The following SLCO1B3 variants were observed in gnomAD, a reference collection of about 807,000 sequenced individuals.
SLCO1B3 encodes solute carrier organic anion transporter family member 1B3.
A neutral mutation model predicts 71.8 loss-of-function variants in SLCO1B3; 72 were observed. The ratio of observed to expected loss-of-function variants is 1.00; its 90% confidence interval spans 0.83 to 1.22. The LOEUF (loss-of-function observed/expected upper bound fraction) is 1.22. Ranked by LOEUF, SLCO1B3 falls within the 50% of genes most tolerant of loss-of-function variation. The pLI, the probability that SLCO1B3 is intolerant of heterozygous loss-of-function variation, is 0.00. For synonymous variants in SLCO1B3, 298 were observed against 278.4 expected, an observed-to-expected ratio of 1.07 and a Z score of -0.70; for missense variants, 911 against 819.7, an observed-to-expected ratio of 1.11 and a Z score of -1.36.
intron 3 of SLCO1B3, among the ~76,000 whole-genome samples, chr12:20,834,687 T>C (rs890348636): frequency 2.6e-4 from 39 of 152,016 alleles, no homozygotes; most frequent in Non-Finnish European, 5.0e-4. Context: ...CCCTCAGTCT[T>C]GGGCAGCTCC....
At chr12:20,902,611 T>C (rs918471998) in intron 15 of SLCO1B3, among the ~76,000 whole-genome samples, 1 of 152,250 alleles carries the variant, frequency 6.6e-6, no homozygotes, top group African/African-American at 2.4e-5. Flanking sequence ...ACTATGCTTA[T>C]TTAAAAAGAG....
intron 3 of SLCO1B3, among the ~76,000 whole-genome samples, chr12:20,835,548 C>G (rs545106318): frequency 6.6e-6 from 1 of 152,260 alleles, no homozygotes; most frequent in South Asian, 2.1e-4. Context: ...CAAAATTCTG[C>G]CAGTCTCTTT....
At position 20,876,021 on chromosome 12, in the gene SLCO1B3, A is replaced by G. The variant is rs374727322; in HGVS notation, c.970+544A>G. Among the ~76,000 whole-genome samples, 124 of 151,784 alleles carry G rather than the reference A, an allele frequency of 8.2e-4. 2 individuals carry two copies. The South Asian group carries it at 0.025, about 30-fold the overall frequency. On this transcript the variant is annotated intron_variant, in intron 9 of 15. Coordinates refer to ENST00000381545, the MANE Select transcript of SLCO1B3 (RefSeq NM_019844.4). ...ATTCAGGAGAGGAGTCTGTCTAGGTAATTAGAGTAAGATTATTTTTCTTGG... is the reference window on the plus strand; with the variant it reads ...ATTCAGGAGAGGAGTCTGTCTAGGTGATTAGAGTAAGATTATTTTTCTTGG...
At chr12:20,833,766 G>A (rs759863939) in intron 3 of SLCO1B3, among the ~76,000 whole-genome samples, 15 of 146,884 alleles carry the variant, frequency 1.0e-4, no homozygotes, top group Non-Finnish European at 1.8e-4. Context: ...TTACATATAT[G>A]TAGTTTATCA....
At chr12:20,816,437 A>G (rs1864195405) in intron 3 of SLCO1B3, among the ~76,000 whole-genome samples, 1 of 152,158 alleles carries the variant, frequency 6.6e-6, no homozygotes, top group Non-Finnish European at 1.5e-5. Flanking sequence ...GATCCCACAA[A>G]TAACTGAGAA....
intron 8 of SLCO1B3, 62 bp downstream of exon 8, chr12:20,862,916 C>A: frequency 2.3e-6 from 2 of 861,838 alleles, no homozygotes; most frequent in Non-Finnish European, 3.8e-6. Context: ...ACCATTCTTC[C>A]AAAGAATTAA....
At position 20,862,487 on chromosome 12, in the gene SLCO1B3, C is replaced by A. The variant is rs775442032; in HGVS notation, c.557C>A (p.Thr186Asn). ...AATATGCTTCGTGGCATAGGGGAAA[C>A]CCCCATAGTACCATTGGGGATTTCA... is the stretch of plus-strand genomic sequence containing the variant. ...MGNMLRGIGE[T>N]PIVPLGISYI... The change falls in exon 7 of 16, where the codon ACC (threonine) becomes AAC (asparagine). Residue 186 changes from threonine (T) to asparagine (N), a missense_variant. Thr to Asn is a moderately conservative substitution (Grantham distance 65). Transcript: ENST00000381545. The A allele has an allele frequency of 8.1e-6, 13 of 1,611,758 alleles. No homozygotes were observed. In the East Asian group the frequency reaches 2.2e-4, roughly 28 times the overall value.
At chr12:20,904,064 C>A (rs1457925762) in intron 15 of SLCO1B3, among the ~76,000 whole-genome samples, 2 of 151,928 alleles carry the variant, frequency 1.3e-5, no homozygotes, top group African/African-American at 4.8e-5. Context: ...ACGGTGAAAC[C>A]TCATCTTTAC....
At chr12:20,839,611 G>C (rs113637804) in intron 3 of SLCO1B3, among the ~76,000 whole-genome samples, 10 of 152,064 alleles carry the variant, frequency 6.6e-5, no homozygotes, top group African/African-American at 2.4e-4. Flanking sequence ...TTGATTTTGT[G>C]TAGTTTGAAA....
rs1004138182 is a variant in SLCO1B3, at chr12:20,883,415, T to C, written c.1498-3T>C. 3.3e-6 allele frequency: 5 copies of C among 1,502,238 alleles called. No individual in the cohort carries two copies. Among genetic ancestry groups the C allele is most frequent in the African/African-American group, 1.4e-5 (1 of 69,000 alleles). The allele number at this position is 1,502,238 out of a possible 1,614,324, so 93.1% of individuals were successfully genotyped here. On this transcript the variant is annotated splice_polypyrimidine_tract_variant and splice_region_variant and intron_variant, in intron 12 of 15. Transcript: ENST00000381545. The stretch of plus-strand genomic sequence containing the variant: ...TTGTTAATATTTCAAAAACTATTTT[T>C]AGGTGTTTTATAACTGTAGTTGTGT...
intron 3 of SLCO1B3, among the ~76,000 whole-genome samples, chr12:20,827,457 A>AC (rs1174474425): frequency 6.6e-6 from 1 of 152,202 alleles, no homozygotes; most frequent in African/African-American, 2.4e-5. Context: ...TAGTAGTGAA[A>AC]CGTACATGAC....
chr12:20,911,343 A>C (rs1281526412), intron 15 of SLCO1B3, among the ~76,000 whole-genome samples: 1 of 152,150 alleles, frequency 6.6e-6, no homozygotes, highest in Admixed American at 6.5e-5. Context: ...TGTCAAATTC[A>C]ATTAGCTATT....
intron 14 of SLCO1B3, among the ~76,000 whole-genome samples, chr12:20,899,815 C>A (rs1226331210): frequency 6.6e-6 from 1 of 152,116 alleles, no homozygotes. Context: ...TGAATTTTGC[C>A]ATTCTAATTG....
At chr12:20,821,125 G>T (rs1864295036) in intron 3 of SLCO1B3, among the ~76,000 whole-genome samples, 1 of 152,112 alleles carries the variant, frequency 6.6e-6, no homozygotes, top group African/African-American at 2.4e-5. Flanking sequence ...TTGGGCCTGA[G>T]GGGACAGGCG....
chr12:20,829,864 T>A (rs575218719), intron 3 of SLCO1B3, among the ~76,000 whole-genome samples: 2 of 152,292 alleles, frequency 1.3e-5, no homozygotes, highest in South Asian at 4.1e-4. Context: ...CCATGGCATT[T>A]ATAAACTGTC....
chr12:20,914,912 C>A, intron 15 of SLCO1B3, among the ~76,000 whole-genome samples: 1 of 151,970 alleles, frequency 6.6e-6, no homozygotes, highest in African/African-American at 2.4e-5. Context: ...GTTTGCTTTT[C>A]CTTTTGGTTT....
chr12:20,811,890 GTACT>G (rs1365444730), intron 1 of SLCO1B3, among the ~76,000 whole-genome samples: 1 of 147,012 alleles, frequency 6.8e-6, no homozygotes, highest in East Asian at 2.0e-4. Context: ...TAGGTACTTT[GTACT>G]TACTTGATAC....
At chr12:20,905,421 TG>T (rs906960357) in intron 15 of SLCO1B3, among the ~76,000 whole-genome samples, 2 of 152,228 alleles carry the variant, frequency 1.3e-5, no homozygotes, top group African/African-American at 4.8e-5. Flanking sequence ...ACCACGTGGC[TG>T]GGTTGCATAT....
chr12:20,835,083 T>G (rs1382557475), intron 3 of SLCO1B3, among the ~76,000 whole-genome samples: 4 of 152,180 alleles, frequency 2.6e-5, no homozygotes, highest in Non-Finnish European at 4.4e-5. Flanking sequence ...TGCCAAGGCA[T>G]GGGGCTTTTA....
Sources: gnomAD v4.1 joint callset for allele counts (sites outside exome capture counted in the v4.1 genomes callset) on GRCh38, gnomAD v4.1.1 for gene constraint, MANE v1.5 for transcripts, NCBI Gene and HGNC (gene_info 2026-07-23, HGNC 2026-07-21) for gene names.